Variants in TAB2 observed in about 807,000 individuals in gnomAD.
TAB2 encodes TGF-beta-activated kinase 1 and MAP3K7-binding protein 2.
TAB2 carries 3 observed loss-of-function variants against 65.0 expected under a neutral mutation model. That is an observed-to-expected ratio of 0.05 (90% CI 0.02 to 0.12). The LOEUF (loss-of-function observed/expected upper bound fraction) is 0.12. Among genes scored for constraint, TAB2 ranks in the 10% least tolerant of loss-of-function variants. The pLI is 1.00. For missense variants in TAB2, 623 were observed against 840.3 expected (o/e 0.74, Z 3.20); for synonymous variants, 298 against 285.1 (o/e 1.05, Z -0.46).
intron 1 of TAB2, among the ~76,000 whole-genome samples, chr6:149,338,526 A>C (rs963844830): frequency 2.6e-5 from 4 of 152,240 alleles, no homozygotes; most frequent in African/African-American, 9.6e-5. Flanking sequence ...ACAAAAATGG[A>C]AAGTTGAGGA....
chr6:149,325,706 C>T (rs973331844), intron 1 of TAB2, among the ~76,000 whole-genome samples: 3 of 152,028 alleles, frequency 2.0e-5, no homozygotes, highest in African/African-American at 7.3e-5. Flanking sequence ...AAACTTGTGC[C>T]ACTTTATCTG....
intron 1 of TAB2, among the ~76,000 whole-genome samples, chr6:149,227,619 C>A (rs926133433): frequency 3.3e-5 from 5 of 152,296 alleles, no homozygotes; most frequent in African/African-American, 1.2e-4. Context: ...ACTTGCCCAC[C>A]CTTTCCATAA....
intron 1 of TAB2, among the ~76,000 whole-genome samples, chr6:149,260,388 C>A (rs534770679): frequency 6.6e-6 from 1 of 152,308 alleles, no homozygotes; most frequent in South Asian, 2.1e-4. Context: ...GTGGGGAGTG[C>A]GGTACAAGGC....
At chr6:149,287,718 A>G (rs76501773) in intron 1 of TAB2, among the ~76,000 whole-genome samples, 5,716 of 152,306 alleles carry the variant, frequency 0.038, 176 homozygotes, top group South Asian at 0.076. Context: ...AAAAATAAAG[A>G]CATTGTGCAT....
At chr6:149,393,084 A>T (rs187233358) in intron 3 of TAB2, among the ~76,000 whole-genome samples, 1 of 152,348 alleles carries the variant, frequency 6.6e-6, no homozygotes, top group East Asian at 1.9e-4. Context: ...AAAGTGAACT[A>T]AACACATAAA....
intron 3 of TAB2, among the ~76,000 whole-genome samples, chr6:149,387,375 C>T (rs765404564): frequency 3.3e-5 from 5 of 152,114 alleles, no homozygotes; most frequent in Non-Finnish European, 5.9e-5. Flanking sequence ...ACTTTTTCTC[C>T]TCATTGAGTG....
chr6:149,304,794 G>A (rs982566900), intron 1 of TAB2, among the ~76,000 whole-genome samples: 7 of 152,094 alleles, frequency 4.6e-5, no homozygotes, highest in African/African-American at 1.7e-4. Flanking sequence ...ATCCTGGGAG[G>A]ATTGGTTCCA....
intron 1 of TAB2, among the ~76,000 whole-genome samples, chr6:149,332,717 A>G (rs1483214764): frequency 1.3e-5 from 2 of 152,336 alleles, no homozygotes; most frequent in East Asian, 1.9e-4. Flanking sequence ...AGAGAGATAA[A>G]TGAAAAATAA....
At chr6:149,345,402 A>C (rs1207139325) in intron 1 of TAB2, among the ~76,000 whole-genome samples, 1 of 152,160 alleles carries the variant, frequency 6.6e-6, no homozygotes, top group East Asian at 1.9e-4. Flanking sequence ...TAGACAACAC[A>C]GGCTTTGAGT....
In TAB2 at chr6:149,265,243, G is replaced by A. The variant is rs140435409; in HGVS notation, c.-121+46467G>A. The stretch of plus-strand genomic sequence containing the variant: ...CAGTTTCCAAGGTTTACAATTTTGC[G>A]GGTCTCTAATGGCGAAGACCCTACA... On this transcript the variant is annotated intron_variant, in intron 1 of 1. Coordinates refer to the TAB2 transcript ENST00000606202. Among the ~76,000 whole-genome samples, 599 of 150,978 alleles carry A rather than the reference G, an allele frequency of 4.0e-3. 5 individuals carry two copies. Among genetic ancestry groups the A allele is most frequent in the African/African-American group, 0.013 (528 of 41,052 alleles).
rs553587273 is a variant in TAB2 at position 149,408,321 on chromosome 6, T to C, written c.1940-1256T>C. On this transcript the variant is annotated intron_variant, in intron 6 of 6. Coordinates refer to ENST00000637181, the MANE Select transcript of TAB2 (RefSeq NM_001292034.3). ...AAATACTGTATAAACACCATTCAAGTTGGTTGTGCATGTGGCAAAAATTGT... is the reference window on the plus strand; with the variant it reads ...AAATACTGTATAAACACCATTCAAGCTGGTTGTGCATGTGGCAAAAATTGT... 4.6e-5 allele frequency among the ~76,000 whole-genome samples: 7 copies of C among 152,266 alleles called. No individual in the cohort carries two copies. The South Asian group carries it at 1.2e-3, about 27-fold the overall frequency.
At chr6:149,290,685 A>G (rs962441419) in intron 1 of TAB2, among the ~76,000 whole-genome samples, 10 of 152,132 alleles carry the variant, frequency 6.6e-5, no homozygotes, top group African/African-American at 2.4e-4. Context: ...CTCTACTAAA[A>G]AGACAAAAAA....
intron 1 of TAB2, among the ~76,000 whole-genome samples, chr6:149,326,789 CCACCCATCCT>C (rs1428670446): frequency 6.6e-6 from 1 of 152,152 alleles, no homozygotes; most frequent in Admixed American, 6.5e-5. Flanking sequence ...CTCAGGTGAT[CCACCCATCCT>C]CAGCCTTGCT....
At chr6:149,253,991 A>AAAGAAAGAAAG (rs1777929016) in intron 1 of TAB2, among the ~76,000 whole-genome samples, 1 of 148,976 alleles carries the variant, frequency 6.7e-6, no homozygotes, top group East Asian at 2.0e-4. Flanking sequence ...AGAAAGAAAG[A>AAAGAAAGAAAG]AAGAAAGAAA....
intron 1 of TAB2, among the ~76,000 whole-genome samples, chr6:149,327,296 A>G (rs1222880393): frequency 2.0e-5 from 3 of 152,238 alleles, no homozygotes; most frequent in Non-Finnish European, 1.5e-5. Context: ...TACTGAGCAC[A>G]AATTATGTCA....
chr6:149,379,216 A>G lies in TAB2; in HGVS notation c.1301A>G (p.His434Arg). ...GTGAGCATGGGTCCTGCCTTTATTC[A>G]TCACCATCCTCCCAAAAGTCGAGCA... ...GQVSMGPAFI[H>R]HHPPKSRAIG... is the part of the protein sequence containing the mutation. Residue 434 changes from histidine (H) to arginine (R), a missense_variant, in exon 3 of 7, where the codon CAT (histidine) becomes CGT (arginine). Physicochemically the swap from His to Arg is conservative, Grantham distance 29. Transcript: ENST00000637181. The G allele has an allele frequency of 1.9e-6, 3 of 1,614,208 alleles. No individual in the cohort carries two copies. The highest frequency in any genetic ancestry group is 2.5e-6 in the Non-Finnish European group (3 of 1,180,042).
chr6:149,387,494 G>A lies in TAB2; in HGVS notation c.1603+7976G>A, dbSNP rs142250015. Among the ~76,000 whole-genome samples the A allele has an allele frequency of 7.5e-3, 1,146 of 152,114 alleles. 9 individuals carry two copies. Among genetic ancestry groups the A allele is most frequent in the African/African-American group, 0.026 (1,099 of 41,500 alleles). On this transcript the variant is annotated intron_variant, in intron 3 of 6. Coordinates refer to ENST00000637181, the MANE Select transcript of TAB2 (RefSeq NM_001292034.3). Reference sequence around the variant, plus strand: ...ATGTTCTTTATGCCAATACCATATGGTCTTAATTACTGTAATTATTTTATT... The same window carrying A: ...ATGTTCTTTATGCCAATACCATATGATCTTAATTACTGTAATTATTTTATT...
At chr6:149,339,605 A>ATTTATTTTTTTTTTTT (rs1780048535) in intron 1 of TAB2, among the ~76,000 whole-genome samples, 1 of 51,156 alleles carries the variant, frequency 2.0e-5, no homozygotes, top group African/African-American at 6.3e-5. Context: ...TTATTTATTT[A>ATTTATTTTTTTTTTTT]TTTTTTTTTT....
intron 1 of TAB2, among the ~76,000 whole-genome samples, chr6:149,344,567 G>A (rs567226666): frequency 8.5e-5 from 13 of 152,252 alleles, no homozygotes; most frequent in South Asian, 2.1e-4. Context: ...TAGTTGGATA[G>A]GGAGGGGTGT....
Sources: gnomAD v4.1 joint callset for allele counts (sites outside exome capture counted in the v4.1 genomes callset) on GRCh38, gnomAD v4.1.1 for gene constraint, MANE v1.5 for transcripts, NCBI Gene and HGNC (gene_info 2026-07-23, HGNC 2026-07-21) for gene names.